The following CEP152 variants were observed in gnomAD, a reference collection of about 807,000 sequenced individuals.
The protein encoded by CEP152 is centrosomal protein of 152 kDa.
In CEP152, 132 loss-of-function variants were observed where a neutral mutation model predicts 188.9. The observed-to-expected ratio is 0.70, with a 90% CI of 0.61 to 0.81. The LOEUF (loss-of-function observed/expected upper bound fraction) is 0.81. Ranked by LOEUF, CEP152 falls within the 30% of genes least tolerant of loss-of-function variation. CEP152 has a pLI of 0.00. For synonymous variants in CEP152, 649 were observed against 666.6 expected, an observed-to-expected ratio of 0.97 and a Z score of 0.41; for missense variants, 1,914 against 1,969.8, an observed-to-expected ratio of 0.97 and a Z score of 0.54.
At chr15:48,734,759 A>C (rs1190774737), downstream of CEP152, among the ~76,000 whole-genome samples, 2 of 152,194 alleles carry the variant, frequency 1.3e-5, no homozygotes, top group Non-Finnish European at 2.9e-5. Context: ...CTTTTAAAAC[A>C]AGAAATATAG....
At chr15:48,782,531 A>G (rs780797240) in intron 10 of CEP152, among the ~76,000 whole-genome samples, 34 of 152,142 alleles carry the variant, frequency 2.2e-4, no homozygotes, top group Non-Finnish European at 4.0e-4. Flanking sequence ...GTCCTTTAAT[A>G]GGAGCGTAAC....
At chr15:48,796,262 G>T in intron 5 of CEP152, 102 bp from the exon 6 acceptor site, 6 of 1,241,588 alleles carry the variant, frequency 4.8e-6, no homozygotes, top group Non-Finnish European at 4.6e-6. Context: ...ACTTACTTTT[G>T]GTACAGTTCA....
At chr15:48,808,632 G>C (rs1287018433) in intron 1 of CEP152, among the ~76,000 whole-genome samples, 1 of 151,364 alleles carries the variant, frequency 6.6e-6, no homozygotes, top group East Asian at 1.9e-4. Flanking sequence ...CCACTAGATT[G>C]AAAAAACAAA....
chr15:48,771,382 A>T (rs923735958), intron 13 of CEP152, among the ~76,000 whole-genome samples: 1 of 152,222 alleles, frequency 6.6e-6, no homozygotes, highest in African/African-American at 2.4e-5. Context: ...TACCACGACC[A>T]CTATATAATA....
chr15:48,792,024 C>T (rs1897024435), intron 7 of CEP152, among the ~76,000 whole-genome samples: 1 of 152,150 alleles, frequency 6.6e-6, no homozygotes, highest in Non-Finnish European at 1.5e-5. Flanking sequence ...AACGGAGTTT[C>T]GCTCTGTCGC....
chr15:48,757,570 A>T (rs753157697), intron 19 of CEP152, among the ~76,000 whole-genome samples: 2 of 152,170 alleles, frequency 1.3e-5, no homozygotes, highest in Non-Finnish European at 2.9e-5. Context: ...TTCCTGACTG[A>T]ATTCCTAACT....
intron 7 of CEP152, among the ~76,000 whole-genome samples, chr15:48,792,453 A>T (rs935577161): frequency 6.6e-6 from 1 of 152,252 alleles, no homozygotes; most frequent in South Asian, 2.1e-4. Flanking sequence ...CAATCACAAA[A>T]GTATTCTGCA....
chr15:48,748,713 T>G lies in CEP152; in HGVS notation c.3467-103A>C, dbSNP rs1037278523. 9.1e-6 allele frequency: 11 copies of G among 1,213,264 alleles called. No homozygotes were observed. The African/African-American group carries it at 1.6e-4, about 17-fold the overall frequency. The allele number at this position is 1,213,264 out of a possible 1,614,324, so 75.2% of individuals were successfully genotyped here. A position where few individuals can be genotyped will look rare whatever the true frequency, so the allele number is the denominator to read the frequency against. On this transcript the variant is annotated intron_variant, in intron 21 of 26. Coordinates refer to ENST00000380950, the MANE Select transcript of CEP152 (RefSeq NM_001194998.2). ...GAAAGAAAAGCAGATGACTCATGAC[T>G]AAAGGCTACAGCACGACTGAAAGAG...
intron 7 of CEP152, 96 bp downstream of exon 7, chr15:48,793,225 G>T: frequency 1.4e-6 from 2 of 1,462,886 alleles, no homozygotes; most frequent in Non-Finnish European, 1.9e-6. Flanking sequence ...CTGACCAAGT[G>T]TTTTTACTCT....
At chr15:48,777,582 C>T (rs1328636845) in intron 12 of CEP152, among the ~76,000 whole-genome samples, 2 of 151,142 alleles carry the variant, frequency 1.3e-5, no homozygotes, top group Non-Finnish European at 2.9e-5. Context: ...TTTTGCAATA[C>T]AAAATGCAAA....
chr15:48,751,600 C>A (rs180964912), intron 21 of CEP152, among the ~76,000 whole-genome samples: 25 of 152,256 alleles, frequency 1.6e-4, no homozygotes, highest in Non-Finnish European at 3.4e-4. Context: ...ATTATTAGTT[C>A]TTTTCCAGGT....
chr15:48,780,830 C>A (rs16961635), intron 12 of CEP152, among the ~76,000 whole-genome samples: 34,420 of 152,048 alleles, frequency 0.23, 5,335 homozygotes, highest in East Asian at 0.47. Flanking sequence ...GCACCTTCCA[C>A]GCAGCAAGTG....
At chr15:48,792,820 C>CTT (rs750579289) in intron 7 of CEP152, among the ~76,000 whole-genome samples, 19 of 142,554 alleles carry the variant, frequency 1.3e-4, no homozygotes, top group Non-Finnish European at 2.6e-4. Flanking sequence ...AATAGAGTGT[C>CTT]TTTTTTTTTT....
At chr15:48,752,226 A>G (rs1223520787) in intron 21 of CEP152, 123 bp downstream of exon 21, 3 of 1,501,910 alleles carry the variant, frequency 2.0e-6, no homozygotes, top group East Asian at 2.3e-5. Context: ...GGAAGAGGGG[A>G]CATTAAGTCA....
chr15:48,730,473 T>C (rs550109364), intron 2 of CEP152, among the ~76,000 whole-genome samples: 5 of 152,280 alleles, frequency 3.3e-5, no homozygotes, highest in Non-Finnish European at 5.9e-5. Flanking sequence ...GGAGGCTGTG[T>C]GCATATGTAG....
chr15:48,756,786 CATAT>C (rs1288060933), intron 19 of CEP152, among the ~76,000 whole-genome samples: 2 of 152,090 alleles, frequency 1.3e-5, no homozygotes, highest in Non-Finnish European at 2.9e-5. Flanking sequence ...AACACTCACA[CATAT>C]AATTATATAA....
At chr15:48,801,615 T>C (rs1037231173) in intron 2 of CEP152, among the ~76,000 whole-genome samples, 2 of 152,178 alleles carry the variant, frequency 1.3e-5, no homozygotes, top group African/African-American at 4.8e-5. Flanking sequence ...CCAGAATATA[T>C]ACACACATAA....
chr15:48,751,544 G>T (rs1245867021), intron 21 of CEP152, among the ~76,000 whole-genome samples: 1 of 152,194 alleles, frequency 6.6e-6, no homozygotes, highest in Non-Finnish European at 1.5e-5. Context: ...TTAGAAATGT[G>T]TGCAAACTGA....
rs761040817 is a variant in CEP152, at chr15:48,772,650, T to A, written c.1619A>T (p.Asp540Val). 5.6e-6 allele frequency: 9 copies of A among 1,614,138 alleles called. No homozygotes were observed. In the South Asian group the frequency reaches 9.9e-5, roughly 18 times the overall value. ...TGCCTTTAACTTCAGAATGAACTCA[T>A]CTTTTGAAAGCTCTTCATTTGGGTC... ...EEDPNEELSK[D>V]EFILKLKAEV... Residue 540 changes from aspartate to valine, a missense_variant, in exon 13 of 27, where the codon GAT becomes GTT. By Grantham distance (152) the Asp-to-Val change is radical. Transcript: ENST00000380950.
Sources: gnomAD v4.1 joint callset for allele counts (sites outside exome capture counted in the v4.1 genomes callset) on GRCh38, gnomAD v4.1.1 for gene constraint, MANE v1.5 for transcripts, NCBI Gene and HGNC (gene_info 2026-07-23, HGNC 2026-07-21) for gene names.